The following CAMK4 variants were observed in gnomAD, a reference collection of about 807,000 sequenced individuals.
CAMK4 encodes calcium/calmodulin dependent protein kinase IV, also known as calcium/calmodulin-dependent protein kinase type IV.
CAMK4 carries 22 observed loss-of-function variants against 44.9 expected under a neutral mutation model. That is an observed-to-expected ratio of 0.49 (90% CI 0.35 to 0.70). The LOEUF is 0.70. CAMK4 is among the 30% of genes least tolerant of loss of function. The pLI, the probability that CAMK4 is intolerant of heterozygous loss-of-function variation, is 0.01. For synonymous variants in CAMK4, 218 were observed against 215.4 expected (o/e 1.01, Z -0.11); for missense variants, 498 against 586.8 (o/e 0.85, Z 1.56).
intron 1 of CAMK4, among the ~76,000 whole-genome samples, chr5:111,321,177 A>G (rs575075940): frequency 1.1e-4 from 17 of 152,242 alleles, no homozygotes; most frequent in Admixed American, 7.2e-4. Context: ...GTATATGTCA[A>G]CAGGAGCTGG....
intron 1 of CAMK4, among the ~76,000 whole-genome samples, chr5:111,241,097 A>C (rs1435142109): frequency 2.0e-5 from 3 of 151,892 alleles, no homozygotes; most frequent in Non-Finnish European, 4.4e-5. Flanking sequence ...CACACTGCAA[A>C]TTTTTATTTG....
intron 1 of CAMK4, among the ~76,000 whole-genome samples, chr5:111,257,362 GA>G (rs1749786933): frequency 6.6e-6 from 1 of 152,200 alleles, no homozygotes; most frequent in East Asian, 1.9e-4. Flanking sequence ...CTTCTGAAAA[GA>G]AGACATTTAG....
At chr5:111,334,917 T>G (rs916116033) in intron 1 of CAMK4, among the ~76,000 whole-genome samples, 1 of 151,516 alleles carries the variant, frequency 6.6e-6, no homozygotes, top group Non-Finnish European at 1.5e-5. Flanking sequence ...ATAACAAGAT[T>G]TTTTGATTTC....
chr5:111,337,075 G>T (rs1749437117), intron 1 of CAMK4, among the ~76,000 whole-genome samples: 1 of 150,948 alleles, frequency 6.6e-6, no homozygotes, highest in Non-Finnish European at 1.5e-5. Context: ...ATATAAAATA[G>T]TTCTATCATG....
In CAMK4 at chr5:111,258,740, CGTGTGTGTGTGTGTGT is replaced by C. The variant is rs201959904; in HGVS notation, c.161+34124_161+34139del. Among the ~76,000 whole-genome samples the C allele has an allele frequency of 7.2e-5, 10 of 139,332 alleles. 1 individual carries two copies. In the South Asian group the frequency reaches 9.9e-4, roughly 14 times the overall value. The allele number at this position is 139,332 out of a possible 152,430, so 91.4% of individuals were successfully genotyped here. A position where few individuals can be genotyped will look rare whatever the true frequency, so the allele number is the denominator to read the frequency against. ...ACCATTACCTCTACAGAGTTATCAG[CGTGTGTGTGTGTGTGT>C]GTGTGTGTGTGTGTGTGTGTGTGTG... On this transcript the variant is annotated intron_variant, in intron 1 of 10. Coordinates refer to ENST00000282356, the MANE Select transcript of CAMK4 (RefSeq NM_001744.6).
At chr5:111,429,873 A>T (rs541004567) in intron 5 of CAMK4, among the ~76,000 whole-genome samples, 75 of 149,148 alleles carry the variant, frequency 5.0e-4, no homozygotes, top group African/African-American at 1.7e-3. Flanking sequence ...GCCAATTTCT[A>T]CCAAACATTT....
rs550592399 is a variant in CAMK4, at chr5:111,299,573, T to A, written c.162-44451T>A. 9.5e-4 allele frequency among the ~76,000 whole-genome samples: 144 copies of A among 152,320 alleles called. No individual in the cohort carries two copies. The South Asian group carries it at 0.029, about 30-fold the overall frequency. On this transcript the variant is annotated intron_variant, in intron 1 of 10. Transcript: ENST00000282356. ...TTGTTTAAATGTTTAAATGAAAATA[T>A]TTTGGATATATTCCACTTATATTGA...
intron 5 of CAMK4, among the ~76,000 whole-genome samples, chr5:111,441,263 A>G (rs1185581745): frequency 6.6e-6 from 1 of 152,194 alleles, no homozygotes; most frequent in African/African-American, 2.4e-5. Flanking sequence ...CATTTATTTT[A>G]TAATATATAT....
chr5:111,233,946 A>C (rs1213715293), intron 1 of CAMK4, among the ~76,000 whole-genome samples: 1 of 152,182 alleles, frequency 6.6e-6, no homozygotes, highest in Non-Finnish European at 1.5e-5. Context: ...GTGCTAGAAG[A>C]AAGTATTAGA....
chr5:111,334,330 T>G (rs767044029), intron 1 of CAMK4, among the ~76,000 whole-genome samples: 9 of 151,506 alleles, frequency 5.9e-5, no homozygotes, highest in Admixed American at 1.3e-4. Flanking sequence ...AGGTTCAGAC[T>G]TTTTTCCCTC....
intron 7 of CAMK4, among the ~76,000 whole-genome samples, chr5:111,461,378 A>C (rs1754636867): frequency 6.6e-6 from 1 of 152,192 alleles, no homozygotes; most frequent in Non-Finnish European, 1.5e-5. Flanking sequence ...TTGTCACTGC[A>C]CTTAATCTCC....
intron 5 of CAMK4, among the ~76,000 whole-genome samples, chr5:111,420,676 C>G (rs930369313): frequency 2.0e-5 from 3 of 152,174 alleles, no homozygotes; most frequent in South Asian, 2.1e-4. Flanking sequence ...GCCTATACCT[C>G]TAGGCGTGTA....
chr5:111,394,594 A>G, intron 4 of CAMK4, 116 bp from the exon 5 acceptor site: 1 of 652,880 alleles, frequency 1.5e-6, no homozygotes, highest in South Asian at 2.0e-5. Flanking sequence ...GTAGTATGGT[A>G]GCTTGTTTCA....
At chr5:111,249,970 A>C (rs1055626395) in intron 1 of CAMK4, among the ~76,000 whole-genome samples, 2 of 152,074 alleles carry the variant, frequency 1.3e-5, no homozygotes, top group Admixed American at 1.3e-4. Flanking sequence ...AACCTGCTAG[A>C]TAGGTATTAT....
intron 1 of CAMK4, among the ~76,000 whole-genome samples, chr5:111,291,794 AGCCAGC>A (rs1747275035): frequency 6.6e-6 from 1 of 152,148 alleles, no homozygotes; most frequent in Admixed American, 6.5e-5. Flanking sequence ...TAGAGGTGTG[AGCCAGC>A]GCACCTGGCC....
intron 2 of CAMK4, among the ~76,000 whole-genome samples, chr5:111,347,195 T>C (rs994819966): frequency 8.6e-5 from 13 of 151,988 alleles, no homozygotes; most frequent in African/African-American, 3.1e-4. Flanking sequence ...GATCTAGCCT[T>C]TGGGCATGAC....
chr5:111,228,314 G>A (rs925931519), intron 1 of CAMK4, among the ~76,000 whole-genome samples: 3 of 151,838 alleles, frequency 2.0e-5, no homozygotes, highest in African/African-American at 7.3e-5. Flanking sequence ...TTTAGGCTAG[G>A]CACTTTGCAT....
At chr5:111,383,557 G>A (rs12653748) in intron 4 of CAMK4, among the ~76,000 whole-genome samples, 53,352 of 151,528 alleles carry the variant, frequency 0.35, 10,608 homozygotes, top group South Asian at 0.5. Context: ...GTTCCATGGA[G>A]GCAGTACAGT....
chr5:111,394,782 T>A lies in CAMK4; in HGVS notation c.459T>A (p.Ala153=). The part of the protein sequence containing the change: ...DAVKQILEAV[A]YLHENGIVHR... Reference sequence around the variant, plus strand: ...TTAAACAAATCCTGGAGGCAGTTGCTGTAAGTATGAAGTAACAGCAATGGT... The same window carrying A: ...TTAAACAAATCCTGGAGGCAGTTGCAGTAAGTATGAAGTAACAGCAATGGT... The change falls in exon 5 of 11, where the codon GCT becomes GCA. Residue 153 remains alanine, a splice_region_variant and synonymous_variant. Transcript: ENST00000282356. The A allele has an allele frequency of 6.2e-7, 1 of 1,601,894 alleles. No homozygotes were observed. The highest frequency in any genetic ancestry group is 8.6e-7 in the Non-Finnish European group (1 of 1,169,156).
Sources: allele counts gnomAD v4.1 joint callset (sites outside exome capture counted in the v4.1 genomes callset), GRCh38; gene constraint gnomAD v4.1.1; transcripts MANE v1.5; gene names NCBI Gene and HGNC (gene_info 2026-07-23, HGNC 2026-07-21).